HACL1: variants seen among roughly 807,000 people sequenced by gnomAD.
HACL1 encodes the protein 2-hydroxyacyl-CoA lyase 1.
Under a neutral mutation model 74.2 loss-of-function variants are expected in HACL1, and 64 were observed. The ratio of observed to expected loss-of-function variants is 0.86; its 90% CI spans 0.70 to 1.06. The LOEUF (loss-of-function observed/expected upper bound fraction) is 1.06, where lower values mean the gene tolerates loss of function less well. Ranked by LOEUF, HACL1 falls within the 50% of genes least tolerant of loss-of-function variation. The probability of loss-of-function intolerance (pLI) is 0.00; values close to 1 mark genes in which losing one functional copy is unlikely to be tolerated. For synonymous variants in HACL1, 230 were observed against 238.8 expected (o/e 0.96, Z 0.34); for missense variants, 728 against 719.7 (o/e 1.01, Z -0.13).
At chr3:15,600,320 G>A (rs2125303089) in intron 2 of HACL1, among the ~76,000 whole-genome samples, 1 of 152,292 alleles carries the variant, frequency 6.6e-6, no homozygotes, top group Non-Finnish European at 1.5e-5. Flanking sequence ...GCAACGGTGG[G>A]AGTGTAAAGC....
At chr3:15,569,727 G>A (rs2063492568) in intron 12 of HACL1, among the ~76,000 whole-genome samples, 1 of 152,072 alleles carries the variant, frequency 6.6e-6, no homozygotes, top group Non-Finnish European at 1.5e-5. Context: ...TGCTGAGGCA[G>A]GAGAATTGCA....
intron 10 of HACL1, 29 bp from the exon 11 acceptor site, chr3:15,573,271 C>A (rs1559550964): frequency 7.4e-7 from 1 of 1,351,620 alleles, no homozygotes; most frequent in South Asian, 1.2e-5. Flanking sequence ...TAAAGAACAA[C>A]CCATGTTTAT....
rs370752548 is a variant in HACL1, at chr3:15,578,901, G to C, written c.803+1009C>G. 3.1e-4 allele frequency among the ~76,000 whole-genome samples: 47 copies of C among 152,338 alleles called. 1 individual carries two copies. In the East Asian group the frequency reaches 6.0e-3, roughly 19 times the overall value. On this transcript the variant is annotated intron_variant, in intron 9 of 16. Coordinates refer to ENST00000321169, the MANE Select transcript of HACL1 (RefSeq NM_012260.4). The stretch of plus-strand genomic sequence containing the variant: ...AAAAGGGGCAACTGAGAATGGGAGA[G>C]TGGGGGTGTGGAGCCTACAGAGGAG...
At chr3:15,565,930 T>C (rs1464636109) in intron 14 of HACL1, among the ~76,000 whole-genome samples, 2 of 152,236 alleles carry the variant, frequency 1.3e-5, no homozygotes, top group Non-Finnish European at 2.9e-5. Flanking sequence ...CAATTATTTA[T>C]ATAGCATTCA....
chr3:15,588,393 G>C (rs1377782289), intron 5 of HACL1, among the ~76,000 whole-genome samples: 1 of 152,196 alleles, frequency 6.6e-6, no homozygotes, highest in East Asian at 1.9e-4. Flanking sequence ...AGGAGTTCAA[G>C]ACCAGCCTGG....
At chr3:15,596,855 T>C (rs2064076273) in intron 2 of HACL1, among the ~76,000 whole-genome samples, 3 of 152,214 alleles carry the variant, frequency 2.0e-5, no homozygotes, top group Non-Finnish European at 2.9e-5. Context: ...CATTGATTTC[T>C]GTTCTTGTAT....
intron 14 of HACL1, among the ~76,000 whole-genome samples, chr3:15,565,495 A>G (rs10510440): frequency 0.1 from 15,379 of 152,284 alleles, 1,017 homozygotes; most frequent in East Asian, 0.35. Context: ...ACAGAAAAGG[A>G]GTATTTAACA....
intron 3 of HACL1, among the ~76,000 whole-genome samples, chr3:15,591,959 T>C (rs571091339): frequency 9.4e-5 from 14 of 149,054 alleles, no homozygotes; most frequent in Admixed American, 4.0e-4. Flanking sequence ...ACACACTATA[T>C]ACATAGTGTA....
intron 5 of HACL1, among the ~76,000 whole-genome samples, chr3:15,586,978 A>T: frequency 6.6e-6 from 1 of 152,236 alleles, no homozygotes; most frequent in East Asian, 1.9e-4. Context: ...CACAGATAAG[A>T]ATATAAAACT....
rs2063740190 is a variant in HACL1, at chr3:15,583,103, C to G, written c.555-114G>C. On this transcript the variant is annotated intron_variant, in intron 7 of 16. Transcript: ENST00000321169. ...TAGTACAATAAATCTCCATACACCCCCATGTAGATCTAACAACTTAATATC... is the reference window on the plus strand; with the variant it reads ...TAGTACAATAAATCTCCATACACCCGCATGTAGATCTAACAACTTAATATC... 3 of 569,138 alleles carry G rather than the reference C, an allele frequency of 5.3e-6. No individual in the cohort carries two copies. In the East Asian group the frequency reaches 8.9e-5, roughly 17 times the overall value. The allele number at this position is 569,138 out of a possible 1,614,324, so 35.3% of individuals were successfully genotyped here. A position where few individuals can be genotyped will look rare whatever the true frequency, so the allele number is the denominator to read the frequency against.
At position 15,580,064 on chromosome 3, in the gene HACL1, T is replaced by A; in HGVS notation, c.668-19A>T. On this transcript the variant is annotated intron_variant, in intron 8 of 16. Coordinates refer to ENST00000321169, the MANE Select transcript of HACL1 (RefSeq NM_012260.4). ...GCAGCACCTATAAGAAATGCAAATG[T>A]ATTGGACAATTCAGTTAAGCTATAG... 6.2e-7 allele frequency: 1 copy of A among 1,604,598 alleles called. No homozygotes were observed. The highest frequency in any genetic ancestry group is 8.5e-7 in the Non-Finnish European group (1 of 1,172,952).
Position 15,561,645 on chromosome 3 carries a change from G to A in HACL1, c.1705-748C>T, listed in dbSNP as rs997636762. 4.6e-5 allele frequency among the ~76,000 whole-genome samples: 7 copies of A among 151,992 alleles called. No homozygotes were observed. In the South Asian group the frequency reaches 6.2e-4, roughly 14 times the overall value. On this transcript the variant is annotated intron_variant, in intron 16 of 16. Transcript: ENST00000321169. ...TAGCAGAGATGACAGAATTTGTTAG[G>A]GCTTTTCTGTGATTAACATAGGTCT...
At chr3:15,590,540 T>TA in intron 4 of HACL1, among the ~76,000 whole-genome samples, 1 of 152,306 alleles carries the variant, frequency 6.6e-6, no homozygotes, top group African/African-American at 2.4e-5. Context: ...ATCTCACTGG[T>TA]AAAGTGCCAG....
At chr3:15,561,034 T>C in intron 16 of HACL1, 137 bp from the exon 17 acceptor site, 2 of 698,274 alleles carry the variant, frequency 2.9e-6, no homozygotes, top group South Asian at 3.5e-5. Context: ...TTCTGGTGCT[T>C]TTCCCAAAAA....
intron 3 of HACL1, among the ~76,000 whole-genome samples, chr3:15,592,281 C>T (rs183113444): frequency 6.2e-5 from 9 of 144,872 alleles, no homozygotes; most frequent in Admixed American, 3.3e-4. Flanking sequence ...CGTATACATA[C>T]GTGTATATGT....
chr3:15,586,667 C>T, intron 5 of HACL1, 65 bp from the exon 6 acceptor site: 1 of 900,116 alleles, frequency 1.1e-6, no homozygotes, highest in African/African-American at 1.7e-5. Flanking sequence ...TGAAAGAAGA[C>T]AAAATGTTAA....
intron 8 of HACL1, 23 bp from the exon 9 acceptor site, chr3:15,580,068 G>A (rs370758130): frequency 9.6e-5 from 154 of 1,599,684 alleles, no homozygotes; most frequent in Admixed American, 1.2e-4. Flanking sequence ...CAAATGTATT[G>A]GACAATTCAG....
intron 5 of HACL1, among the ~76,000 whole-genome samples, chr3:15,587,468 A>G (rs1337155350): frequency 7.0e-6 from 1 of 143,554 alleles, no homozygotes; most frequent in Non-Finnish European, 1.5e-5. Context: ...TCCGATTTTC[A>G]GTCTATGTTC....
chr3:15,561,715 C>T (rs1205415002), intron 16 of HACL1, among the ~76,000 whole-genome samples: 1 of 152,178 alleles, frequency 6.6e-6, no homozygotes, highest in Non-Finnish European at 1.5e-5. Flanking sequence ...GACAGTCTCA[C>T]TGTCACCCAG....
Sources: gnomAD v4.1 joint callset for allele counts (sites outside exome capture counted in the v4.1 genomes callset) on GRCh38, gnomAD v4.1.1 for gene constraint, MANE v1.5 for transcripts, NCBI Gene and HGNC (gene_info 2026-07-23, HGNC 2026-07-21) for gene names.